KCNIP4: variants seen among roughly 807,000 people sequenced by gnomAD.
The protein encoded by KCNIP4 is potassium voltage-gated channel interacting protein 4, also known as Kv channel-interacting protein 4.
KCNIP4 carries 12 observed loss-of-function variants against 34.0 expected under a neutral mutation model. The ratio of observed to expected loss-of-function variants is 0.35; its 90% CI spans 0.23 to 0.57. KCNIP4 has a LOEUF of 0.57. Ranked by LOEUF, KCNIP4 falls within the 20% of genes least tolerant of loss-of-function variation. KCNIP4 has a pLI of 0.83. For synonymous variants in KCNIP4, 124 were observed against 102.2 expected (o/e 1.21, Z -1.29); for missense variants, 238 against 311.7 (o/e 0.76, Z 1.78).
chr4:21,911,710 T>C (rs1432719739), intron 1 of KCNIP4, among the ~76,000 whole-genome samples: 2 of 151,238 alleles, frequency 1.3e-5, no homozygotes, highest in Non-Finnish European at 2.9e-5. Flanking sequence ...TCATCAGCAA[T>C]AGCAGGGTCC....
chr4:21,519,539 T>C lies in KCNIP4; in HGVS notation c.61+429032A>G, dbSNP rs1171121427. On this transcript the variant is annotated intron_variant, in intron 1 of 8. Transcript: ENST00000382152. ...ACACATATGTGTGTATGTGTATGTG[T>C]ATATACACATATGTGTGTATGTGTA... is the stretch of plus-strand genomic sequence containing the variant. Among the ~76,000 whole-genome samples the C allele has an allele frequency of 4.6e-4, 33 of 71,362 alleles. 3 individuals carry two copies. The highest frequency in any genetic ancestry group is 8.5e-4 in the Non-Finnish European group (29 of 34,172). The allele number at this position is 71,362 out of a possible 152,430, so 46.8% of individuals were successfully genotyped here. A position where few individuals can be genotyped will look rare whatever the true frequency, so the allele number is the denominator to read the frequency against.
intron 1 of KCNIP4, among the ~76,000 whole-genome samples, chr4:21,059,859 G>A (rs1418523681): frequency 1.3e-5 from 2 of 151,990 alleles, no homozygotes; most frequent in African/African-American, 2.4e-5. Flanking sequence ...GAGACACTGT[G>A]GTAGACTGTG....
intron 1 of KCNIP4, among the ~76,000 whole-genome samples, chr4:21,333,748 CA>C (rs202202773): frequency 0.05 from 7,492 of 150,120 alleles, 306 homozygotes; most frequent in South Asian, 0.15. Context: ...TGAAAACAAC[CA>C]AAAAAAAATC....
chr4:21,752,640 G>C (rs928111315), intron 1 of KCNIP4, among the ~76,000 whole-genome samples: 3 of 152,166 alleles, frequency 2.0e-5, no homozygotes, highest in African/African-American at 7.2e-5. Flanking sequence ...TTCCTGGGAA[G>C]AAAAATTCTG....
intron 1 of KCNIP4, among the ~76,000 whole-genome samples, chr4:21,894,278 T>A (rs191925740): frequency 5.9e-5 from 9 of 152,162 alleles, no homozygotes; most frequent in Admixed American, 1.3e-4. Flanking sequence ...GAGGCTGAAG[T>A]GAGCCGAGAT....
intron 1 of KCNIP4, among the ~76,000 whole-genome samples, chr4:20,956,373 C>T (rs771021443): frequency 6.6e-6 from 1 of 151,956 alleles, no homozygotes; most frequent in Non-Finnish European, 1.5e-5. Flanking sequence ...GGCGTGGTGG[C>T]GGGTGCCCGT....
At chr4:21,077,209 G>C (rs1207838093) in intron 1 of KCNIP4, among the ~76,000 whole-genome samples, 2 of 152,026 alleles carry the variant, frequency 1.3e-5, no homozygotes, top group East Asian at 1.9e-4. Flanking sequence ...TATTTGTGTT[G>C]TCATCAACCA....
intron 3 of KCNIP4, among the ~76,000 whole-genome samples, chr4:20,839,507 T>TATATAG (rs1553904212): frequency 6.7e-6 from 1 of 149,116 alleles, no homozygotes; most frequent in Non-Finnish European, 1.5e-5. Context: ...TATATATATA[T>TATATAG]ATAGATAGGT....
At position 21,159,463 on chromosome 4, in the gene KCNIP4, G is replaced by T. The variant is rs1399164497; in HGVS notation, c.62-276754C>A. Reference sequence around the variant, plus strand: ...TCCCAGCGTGAGCGACGCAGAAGACGGTGATTTCTGCATTTCCATCTGAGG... The same window carrying T: ...TCCCAGCGTGAGCGACGCAGAAGACTGTGATTTCTGCATTTCCATCTGAGG... On this transcript the variant is annotated intron_variant, in intron 1 of 8. Coordinates refer to ENST00000382152, the MANE Select transcript of KCNIP4 (RefSeq NM_025221.6). Among the ~76,000 whole-genome samples, 8 of 21,428 alleles carry T rather than the reference G, an allele frequency of 3.7e-4. 3 individuals carry two copies. The highest frequency in any genetic ancestry group is 7.8e-4 in the African/African-American group (2 of 2,580). 14.1% of individuals were successfully genotyped at this position (21,428 alleles called of 152,430 possible). A position where few individuals can be genotyped will look rare whatever the true frequency, so the allele number is the denominator to read the frequency against.
At chr4:21,653,414 A>G (rs1260292694) in intron 1 of KCNIP4, among the ~76,000 whole-genome samples, 1 of 152,232 alleles carries the variant, frequency 6.6e-6, no homozygotes, top group African/African-American at 2.4e-5. Context: ...AGGAGTTGGA[A>G]CAGTCTTGTA....
intron 1 of KCNIP4, chr4:21,847,291 G>A (rs1279960648): frequency 6.6e-6 from 1 of 152,072 alleles, no homozygotes; most frequent in Non-Finnish European, 1.5e-5. Context: ...CTATCCCCTA[G>A]GGGTATTTCA....
chr4:21,495,038 A>G (rs1487488361), intron 1 of KCNIP4, among the ~76,000 whole-genome samples: 1 of 152,126 alleles, frequency 6.6e-6, no homozygotes, highest in Non-Finnish European at 1.5e-5. Flanking sequence ...GCAAGTTGTA[A>G]ATATTCAATC....
At chr4:21,926,714 A>G (rs973751255) in intron 1 of KCNIP4, among the ~76,000 whole-genome samples, 2 of 152,176 alleles carry the variant, frequency 1.3e-5, no homozygotes, top group East Asian at 3.9e-4. Flanking sequence ...TGTGCTCTTC[A>G]AACTACTACC....
At chr4:21,680,989 C>T (rs1296549088) in intron 1 of KCNIP4, among the ~76,000 whole-genome samples, 1 of 152,116 alleles carries the variant, frequency 6.6e-6, no homozygotes, top group African/African-American at 2.4e-5. Context: ...AGTCAGTCTC[C>T]CCTTTGAAGC....
At chr4:21,647,863 CTTTTTTTTTTT>C (rs10539950) in intron 1 of KCNIP4, among the ~76,000 whole-genome samples, 3 of 60,198 alleles carry the variant, frequency 5.0e-5, no homozygotes, top group African/African-American at 9.8e-5. Flanking sequence ...TACAATGATG[CTTTTTTTTTTT>C]TTTTTTTTTT....
chr4:20,799,949 T>C (rs1036001877), intron 3 of KCNIP4, among the ~76,000 whole-genome samples: 2 of 152,158 alleles, frequency 1.3e-5, no homozygotes, highest in Non-Finnish European at 2.9e-5. Flanking sequence ...CTCAAAGCAA[T>C]AGATCCCAGC....
intron 1 of KCNIP4, among the ~76,000 whole-genome samples, chr4:21,062,054 AC>A (rs928161346): frequency 6.6e-6 from 1 of 152,192 alleles, no homozygotes; most frequent in African/African-American, 2.4e-5. Context: ...TATTTAAGCC[AC>A]CCAATATGTG....
intron 1 of KCNIP4, among the ~76,000 whole-genome samples, chr4:21,588,373 C>G (rs969855039): frequency 6.6e-6 from 1 of 151,898 alleles, no homozygotes; most frequent in African/African-American, 2.4e-5. Flanking sequence ...TAACTTATCC[C>G]TGATCTTCCC....
intron 1 of KCNIP4, among the ~76,000 whole-genome samples, 180 bp from the exon 2 acceptor site, chr4:20,882,889 GTTTTGT>G (rs1724861807): frequency 1.3e-5 from 2 of 151,680 alleles, no homozygotes; most frequent in Non-Finnish European, 2.9e-5. Flanking sequence ...TTCTTATTTA[GTTTTGT>G]TTTTATTTCT....
Sources: gnomAD v4.1 joint callset for allele counts (sites outside exome capture counted in the v4.1 genomes callset) on GRCh38, gnomAD v4.1.1 for gene constraint, MANE v1.5 for transcripts, NCBI Gene and HGNC (gene_info 2026-07-23, HGNC 2026-07-21) for gene names.